The following DNAAF4 variants were observed in gnomAD, a reference collection of about 807,000 sequenced individuals.
DNAAF4 encodes dynein axonemal assembly factor 4.
In DNAAF4, 43 loss-of-function variants were observed where a neutral mutation model predicts 51.8. That is an observed-to-expected ratio of 0.83 (90% CI 0.65 to 1.07). The LOEUF is 1.07. Among genes scored for constraint, DNAAF4 ranks in the 50% least tolerant of loss-of-function variants. DNAAF4 has a pLI of 0.00. For missense variants in DNAAF4, 581 were observed against 493.0 expected (o/e 1.18, Z -1.69); for synonymous variants, 194 against 165.6 (o/e 1.17, Z -1.32).
At chr15:55,493,618 A>G (rs2058602093) in intron 3 of DNAAF4, among the ~76,000 whole-genome samples, 1 of 152,258 alleles carries the variant, frequency 6.6e-6, no homozygotes, top group African/African-American at 2.4e-5. Context: ...TAGACAGTCT[A>G]CGTGTATAAA....
At chr15:55,432,465 T>C in intron 9 of DNAAF4, 32 bp downstream of exon 9, 4 of 1,553,438 alleles carry the variant, frequency 2.6e-6, no homozygotes, top group Non-Finnish European at 3.5e-6. Flanking sequence ...GAGTATAACT[T>C]GGGACTTAAA....
chr15:55,498,612 A>AAAAAAAAAAAAAAAAAAAAAAAAAC, intron 1 of DNAAF4, 28 bp from the exon 2 acceptor site: 1 of 283,932 alleles, frequency 3.5e-6, no homozygotes, highest in African/African-American at 2.4e-5. Flanking sequence ...AAAAAAAAAA[A>AAAAAAAAAAAAAAAAAAAAAAAAAC]AGCACTCTGT....
chr15:55,497,150 T>A (rs2058651510), intron 3 of DNAAF4, among the ~76,000 whole-genome samples: 1 of 152,122 alleles, frequency 6.6e-6, no homozygotes, highest in Non-Finnish European at 1.5e-5. Flanking sequence ...AACTCTCAAA[T>A]CTCACCGCTT....
At chr15:55,484,724 TGTGAAGCAAGGAG>T (rs1190735917) in intron 4 of DNAAF4, among the ~76,000 whole-genome samples, 21 of 152,160 alleles carry the variant, frequency 1.4e-4, no homozygotes, top group Non-Finnish European at 5.9e-5. Context: ...TGCTGCAAGC[TGTGAAGCAAGGAG>T]AACCAGTCCA....
At chr15:55,475,535 G>T (rs1189679474) in intron 4 of DNAAF4, among the ~76,000 whole-genome samples, 1 of 152,064 alleles carries the variant, frequency 6.6e-6, no homozygotes, top group East Asian at 1.9e-4. Flanking sequence ...TTCAGATTTT[G>T]GATTTTTTTC....
intron 4 of DNAAF4, among the ~76,000 whole-genome samples, chr15:55,469,199 G>C (rs1375302199): frequency 2.0e-5 from 3 of 151,892 alleles, no homozygotes; most frequent in Admixed American, 1.3e-4. Flanking sequence ...GGGCTTGGTG[G>C]CAGGCCCTTA....
At chr15:55,477,904 GAAAAAAAAAA>G (rs68187085) in intron 4 of DNAAF4, among the ~76,000 whole-genome samples, 1 of 144,658 alleles carries the variant, frequency 6.9e-6, no homozygotes, top group Admixed American at 6.9e-5. Context: ...TGTCTCTACT[GAAAAAAAAAA>G]AAAATTAAAA....
chr15:55,499,495 A>G (rs890708103), intron 1 of DNAAF4, among the ~76,000 whole-genome samples: 3 of 152,310 alleles, frequency 2.0e-5, no homozygotes, highest in African/African-American at 7.2e-5. Context: ...TCAACTCCCC[A>G]GTTTGCAAAC....
chr15:55,494,042 T>C (rs1411041183), intron 3 of DNAAF4, among the ~76,000 whole-genome samples: 1 of 152,022 alleles, frequency 6.6e-6, no homozygotes, highest in East Asian at 1.9e-4. Context: ...TTTTTTTTTT[T>C]TTTTGAGACT....
intron 4 of DNAAF4, among the ~76,000 whole-genome samples, chr15:55,468,832 A>G (rs2058206688): frequency 6.6e-6 from 1 of 152,204 alleles, no homozygotes; most frequent in Non-Finnish European, 1.5e-5. Context: ...TAAGGGAACT[A>G]TAGGTATAAT....
chr15:55,474,849 G>A (rs189833887), intron 4 of DNAAF4, among the ~76,000 whole-genome samples: 7 of 151,888 alleles, frequency 4.6e-5, no homozygotes, highest in Admixed American at 2.0e-4. Flanking sequence ...GTGCAGTGGC[G>A]CACGCCGTAA....
chr15:55,443,460 G>C (rs1448540794), intron 6 of DNAAF4: 1 of 574,974 alleles, frequency 1.7e-6, no homozygotes, highest in Non-Finnish European at 3.1e-6. Context: ...ATGGACATTT[G>C]GGTTGGTTCC....
chr15:55,420,284 C>G (rs2046211068), intron 7 of DNAAF4, among the ~76,000 whole-genome samples: 1 of 152,086 alleles, frequency 6.6e-6, no homozygotes, highest in African/African-American at 2.4e-5. Flanking sequence ...ATATCTTCAA[C>G]ACAGTGTGAG....
At position 55,503,980 on chromosome 15, in the gene DNAAF4, A is replaced by G. The variant is rs61400289; in HGVS notation, c.-256+4142T>C. 3.2e-3 allele frequency among the ~76,000 whole-genome samples: 487 copies of G among 152,350 alleles called. 1 individual carries two copies. The highest frequency in any genetic ancestry group is 0.011 in the African/African-American group (460 of 41,580). On this transcript the variant is annotated intron_variant, in intron 1 of 9. Coordinates refer to ENST00000321149, the MANE Select transcript of DNAAF4 (RefSeq NM_130810.4). ...TATTCAAGTAGGAAGAGAGGAAGTC[A>G]AATTGTCTCTGTTTGCAGACGACAT...
Position 55,435,151 on chromosome 15 carries a change from T to C in DNAAF4, c.894-93A>G. On this transcript the variant is annotated intron_variant, in intron 7 of 9. Coordinates refer to ENST00000321149, the MANE Select transcript of DNAAF4 (RefSeq NM_130810.4). Reference sequence around the variant, plus strand: ...ATTGTATTTGACAAAGAGGATGGCTTACCTCTTTTTGCATTCTCTTTAGGG... The same window carrying C: ...ATTGTATTTGACAAAGAGGATGGCTCACCTCTTTTTGCATTCTCTTTAGGG... 2.2e-6 allele frequency: 3 copies of C among 1,352,918 alleles called. No individual in the cohort carries two copies. The South Asian group carries it at 4.4e-5, about 20-fold the overall frequency. 83.8% of individuals were successfully genotyped at this position (1,352,918 alleles called of 1,614,324 possible).
rs539845293 is a variant in DNAAF4 at position 55,444,274 on chromosome 15, T to C, written c.784-4693A>G. On this transcript the variant is annotated intron_variant, in intron 6 of 9. Coordinates refer to ENST00000321149, the MANE Select transcript of DNAAF4 (RefSeq NM_130810.4). ...GCTTTCTACATATGGCTAGCCAGTT[T>C]TCCCAGTACCATTTATTAAATAGGG... Among the ~76,000 whole-genome samples the C allele has an allele frequency of 3.9e-5, 6 of 152,350 alleles. No homozygotes were observed. The South Asian group carries it at 1.2e-3, about 32-fold the overall frequency.
intron 4 of DNAAF4, among the ~76,000 whole-genome samples, chr15:55,479,278 G>T (rs1567026362): frequency 6.6e-6 from 1 of 151,774 alleles, no homozygotes; most frequent in Non-Finnish European, 1.5e-5. Flanking sequence ...CCGAATGGAG[G>T]GACTGGCTGG....
At chr15:55,469,546 A>G (rs2058221804) in intron 4 of DNAAF4, among the ~76,000 whole-genome samples, 1 of 116,612 alleles carries the variant, frequency 8.6e-6, no homozygotes, top group Admixed American at 1.2e-4. Flanking sequence ...GCAGTGGCGC[A>G]ATCTCGGCTC....
downstream of DNAAF4, among the ~76,000 whole-genome samples, chr15:55,427,130 G>A (rs1007900231): frequency 1.1e-4 from 16 of 151,898 alleles, no homozygotes; most frequent in East Asian, 7.7e-4. Flanking sequence ...GCAGTGGCCC[G>A]ATCTCAGCTC....
Sources: gnomAD v4.1 joint callset for allele counts (sites outside exome capture counted in the v4.1 genomes callset) on GRCh38, gnomAD v4.1.1 for gene constraint, MANE v1.5 for transcripts, NCBI Gene and HGNC (gene_info 2026-07-23, HGNC 2026-07-21) for gene names.